Variants in GNB1 observed in about 807,000 individuals in gnomAD.
The protein encoded by GNB1 is G protein subunit beta 1, also known as guanine nucleotide-binding protein G(I)/G(S)/G(T) subunit beta-1.
GNB1 carries 2 observed loss-of-function variants against 42.9 expected under a neutral mutation model. The ratio of observed to expected loss-of-function variants is 0.05; its 90% CI spans 0.02 to 0.15. The LOEUF is 0.15. Ranked by LOEUF, GNB1 falls within the 10% of genes least tolerant of loss-of-function variation. The pLI is 1.00. For missense variants in GNB1, 193 were observed against 462.2 expected (o/e 0.42, Z 5.34); for synonymous variants, 183 against 174.7 (o/e 1.05, Z -0.38).
At chr1:1,824,641 C>T (rs560646647) in intron 3 of GNB1, among the ~76,000 whole-genome samples, 1 of 152,050 alleles carries the variant, frequency 6.6e-6, no homozygotes, top group East Asian at 1.9e-4. Context: ...GGCACAATCT[C>T]GGCTCACTGG....
At chr1:1,857,944 C>T (rs185564437) in intron 1 of GNB1, among the ~76,000 whole-genome samples, 5 of 152,186 alleles carry the variant, frequency 3.3e-5, no homozygotes, top group Admixed American at 1.3e-4. Context: ...CGTACTGTAC[C>T]GTGATATTTT....
intron 1 of GNB1, among the ~76,000 whole-genome samples, chr1:1,862,371 C>CT (rs1011922396): frequency 1.8e-4 from 28 of 152,288 alleles, no homozygotes; most frequent in African/African-American, 6.7e-4. Flanking sequence ...TTACAACAGT[C>CT]TGAGTGAGAA....
At chr1:1,833,393 A>G (rs1033085911) in intron 2 of GNB1, among the ~76,000 whole-genome samples, 4 of 152,152 alleles carry the variant, frequency 2.6e-5, no homozygotes, top group Admixed American at 2.6e-4. Context: ...CAACGGAAAA[A>G]GTCCTCAGGC....
At chr1:1,875,644 G>C (rs548313786) in intron 1 of GNB1, among the ~76,000 whole-genome samples, 85 of 152,312 alleles carry the variant, frequency 5.6e-4, no homozygotes, top group African/African-American at 1.9e-3. Context: ...AAAGTGCTGA[G>C]CTTACAGGAG....
At chr1:1,794,767 C>T (rs569322255) in intron 7 of GNB1, among the ~76,000 whole-genome samples, 6 of 152,186 alleles carry the variant, frequency 3.9e-5, no homozygotes, top group African/African-American at 1.2e-4. Context: ...CTCGGCTCAC[C>T]GCAACCTCCA....
chr1:1,859,257 A>T (rs1386825947), intron 1 of GNB1, among the ~76,000 whole-genome samples: 2 of 152,122 alleles, frequency 1.3e-5, no homozygotes, highest in Non-Finnish European at 2.9e-5. Flanking sequence ...CCTGACCTCA[A>T]GTGATCCACC....
chr1:1,845,202 C>G (rs1173534829), intron 1 of GNB1, among the ~76,000 whole-genome samples: 11 of 152,194 alleles, frequency 7.2e-5, no homozygotes, highest in Non-Finnish European at 1.5e-5. Flanking sequence ...TTAGAATACT[C>G]TAACTGTACA....
intron 1 of GNB1, among the ~76,000 whole-genome samples, chr1:1,840,487 C>A (rs371029728): frequency 3.3e-5 from 5 of 152,224 alleles, no homozygotes; most frequent in Non-Finnish European, 7.3e-5. Context: ...GAGATCGTGC[C>A]GCTGCACTCC....
intron 1 of GNB1, among the ~76,000 whole-genome samples, chr1:1,858,328 A>C (rs928384013): frequency 4.6e-5 from 7 of 152,182 alleles, no homozygotes; most frequent in Non-Finnish European, 1.0e-4. Flanking sequence ...CTGTCTTCTA[A>C]AAGTCCGTTT....
chr1:1,848,107 C>T (rs1030442865), intron 1 of GNB1, among the ~76,000 whole-genome samples: 7 of 151,952 alleles, frequency 4.6e-5, no homozygotes, highest in Admixed American at 1.3e-4. Context: ...AGGCCGGGTG[C>T]GGTGGCTCAG....
rs72909099 is a variant in GNB1 at position 1,856,164 on chromosome 1, G to C, written c.-95-16926C>G. On this transcript the variant is annotated intron_variant, in intron 1 of 11. Coordinates refer to ENST00000378609, the MANE Select transcript of GNB1 (RefSeq NM_002074.5). ...AGTCTCCTGAGCAGCCAGGACTAAA[G>C]GCATGTGCCATCACACCTGGCTAAC... 7.7e-3 allele frequency among the ~76,000 whole-genome samples: 1,168 copies of C among 152,224 alleles called. 19 individuals are homozygous for C. Among genetic ancestry groups the C allele is most frequent in the African/African-American group, 0.027 (1,125 of 41,552 alleles).
In GNB1 at chr1:1,790,961, AG is replaced by A. The variant is rs1218688699; in HGVS notation, c.498-366del. Among the ~76,000 whole-genome samples the A allele has an allele frequency of 6.6e-6, 1 of 152,068 alleles. No individual in the cohort carries two copies. Among genetic ancestry groups the A allele is most frequent in the African/African-American group, 2.4e-5 (1 of 41,418 alleles). ...GAAGGGGTGGCAGGAAGCTACGTGG[AG>A]GCCCTGGATGGCGGAGGGGACGCGA... is the stretch of plus-strand genomic sequence containing the variant. On this transcript the variant is annotated intron_variant, in intron 8 of 11. Transcript: ENST00000378609. The surrounding 1 kb of genome is among the most constrained non-coding windows in gnomAD (Gnocchi z 5.4).
intron 5 of GNB1, among the ~76,000 whole-genome samples, chr1:1,806,900 G>T (rs1646702487): frequency 1.3e-5 from 2 of 152,166 alleles, no homozygotes; most frequent in African/African-American, 4.8e-5. Flanking sequence ...CTTGAACCTA[G>T]GAAGCGGAGG....
At position 1,845,824 on chromosome 1, in the gene GNB1, TACACACACACAC is replaced by T. The variant is rs55953457; in HGVS notation, c.-95-6598_-95-6587del. ...GTAGAATCATTTGTGTGTAAGTCCA[TACACACACACAC>T]ACACACACACACACACACACACACA... On this transcript the variant is annotated intron_variant, in intron 1 of 11. Coordinates refer to ENST00000378609, the MANE Select transcript of GNB1 (RefSeq NM_002074.5). 3.0e-3 allele frequency among the ~76,000 whole-genome samples: 416 copies of T among 140,348 alleles called. 3 individuals are homozygous for T. The highest frequency in any genetic ancestry group is 9.2e-3 in the African/African-American group (341 of 37,218). The allele number at this position is 140,348 out of a possible 152,430, so 92.1% of individuals were successfully genotyped here. A position where few individuals can be genotyped will look rare whatever the true frequency, so the allele number is the denominator to read the frequency against.
chr1:1,887,830 G>C (rs1650241867), intron 1 of GNB1, among the ~76,000 whole-genome samples: 1 of 152,128 alleles, frequency 6.6e-6, no homozygotes, highest in South Asian at 2.1e-4. Flanking sequence ...GGCCAGACTG[G>C]TCTCAAACTC....
At chr1:1,815,593 A>G (rs932113404) in intron 5 of GNB1, among the ~76,000 whole-genome samples, 163 bp downstream of exon 5, 4 of 152,234 alleles carry the variant, frequency 2.6e-5, no homozygotes, top group African/African-American at 7.2e-5. Context: ...TGGACAGGGA[A>G]TATGCACCTG....
chr1:1,811,034 G>A (rs936674355), intron 5 of GNB1, among the ~76,000 whole-genome samples: 6 of 150,644 alleles, frequency 4.0e-5, no homozygotes, highest in Admixed American at 6.6e-5. Flanking sequence ...TCACCCAGGC[G>A]GGAGTGCAAT....
At position 1,790,700 on chromosome 1, in the gene GNB1, C is replaced by A; in HGVS notation, c.498-104G>T. ...TCAAACCACCCAGGGCCACAGTGAG[C>A]CTCTGCACTGTTACTTTAAAAACGT... On this transcript the variant is annotated intron_variant, in intron 8 of 11. Transcript: ENST00000378609. The surrounding 1 kb of genome is among the most constrained non-coding windows in gnomAD (Gnocchi z 5.4). The A allele has an allele frequency of 1.4e-6, 1 of 697,474 alleles. No individual in the cohort carries two copies. The highest frequency in any genetic ancestry group is 2.6e-6 in the Non-Finnish European group (1 of 390,760). 43.2% of individuals were successfully genotyped at this position (697,474 alleles called of 1,614,324 possible).
rs1646845197 is a variant in GNB1, at chr1:1,815,746, C to G, written c.203+10G>C. ...GTAACAAGCAGCATCCTGCTCATGC[C>G]CACGCCTACCTGGAGTCTGTGCCCC... On this transcript the variant is annotated intron_variant, in intron 5 of 11. Coordinates refer to ENST00000378609, the MANE Select transcript of GNB1 (RefSeq NM_002074.5). 2 of 1,446,384 alleles carry G rather than the reference C, an allele frequency of 1.4e-6. No homozygotes were observed. Among genetic ancestry groups the G allele is most frequent in the South Asian group, 2.3e-5 (2 of 87,592 alleles). The allele number at this position is 1,446,384 out of a possible 1,614,324, so 89.6% of individuals were successfully genotyped here.
Sources: allele counts gnomAD v4.1 joint callset (sites outside exome capture counted in the v4.1 genomes callset), GRCh38; gene constraint gnomAD v4.1.1; non-coding constraint Gnocchi (gnomAD v3.1); transcripts MANE v1.5; gene names NCBI Gene and HGNC (gene_info 2026-07-23, HGNC 2026-07-21).